Variants in ZC3H7B observed in about 807,000 individuals in gnomAD.
ZC3H7B encodes zinc finger CCCH domain-containing protein 7B.
ZC3H7B carries 35 observed loss-of-function variants against 116.0 expected under a neutral mutation model. The observed-to-expected ratio is 0.30, with a 90% confidence interval of 0.23 to 0.40. The LOEUF (loss-of-function observed/expected upper bound fraction) is 0.40. Ranked by LOEUF, ZC3H7B falls within the 10% of genes least tolerant of loss-of-function variation. The probability of loss-of-function intolerance (pLI) is 1.00; values close to 1 mark genes in which losing one functional copy is unlikely to be tolerated. For synonymous variants in ZC3H7B, 502 were observed against 545.6 expected (o/e 0.92, Z 1.11); for missense variants, 1,011 against 1,321.5 (o/e 0.77, Z 3.64).
chr22:41,356,757 C>T lies in ZC3H7B; in HGVS notation c.2630C>T (p.Ala877Val), dbSNP rs1448427386. The change falls in exon 22 of 23, where the codon GCC (alanine) becomes GTC (valine). Residue 877 changes from alanine to valine, a missense_variant. Ala to Val is a moderately conservative substitution (Grantham distance 64). Around this residue, in one of 5 missense-constraint regions of ZC3H7B, gnomAD observed 406 missense variants for 590.2 expected, o/e 0.69. Coordinates refer to ENST00000352645, the MANE Select transcript of ZC3H7B (RefSeq NM_017590.6). ...KEKVFTSDSD[A>V]SGWAFRFPMG... Reference sequence around the variant, plus strand: ...AAGGTCTTCACGTCCGACAGTGACGCCAGCGGCTGGGCCTTCCGCTTCCCC... The same window carrying T: ...AAGGTCTTCACGTCCGACAGTGACGTCAGCGGCTGGGCCTTCCGCTTCCCC... 4 of 1,613,548 alleles carry T rather than the reference C, an allele frequency of 2.5e-6. No homozygotes were observed. The South Asian group carries it at 4.4e-5, about 18-fold the overall frequency.
intron 9 of ZC3H7B, 105 bp downstream of exon 9, chr22:41,339,296 C>T: frequency 1.5e-6 from 2 of 1,365,762 alleles, no homozygotes; most frequent in Non-Finnish European, 2.0e-6. Flanking sequence ...TCATGTGTCT[C>T]AGGAGGAGGC....
rs768896328 is a variant in ZC3H7B at position 41,339,947 on chromosome 22, G to GC, written c.954dup (p.Ala319ArgfsTer58). 2 of 1,612,918 alleles carry GC rather than the reference G, an allele frequency of 1.2e-6. No homozygotes were observed. On this transcript the variant is annotated frameshift_variant, in exon 10 of 23. Transcript: ENST00000352645. LOFTEE classifies it high-confidence loss of function. Reference sequence around the variant, plus strand: ...GCTCCATCCCTGTCTCCAGCCCACTGCCCCCCGCCTCCTTCGGCTTGGTCA... The same window carrying GC: ...GCTCCATCCCTGTCTCCAGCCCACTGCCCCCCCGCCTCCTTCGGCTTGGTCA...
chr22:41,327,591 A>G lies in ZC3H7B; in HGVS notation c.444+227A>G, dbSNP rs1246046211. 1.3e-5 allele frequency among the ~76,000 whole-genome samples: 2 copies of G among 152,262 alleles called. No homozygotes were observed. The highest frequency in any genetic ancestry group is 4.8e-5 in the African/African-American group (2 of 41,476). ...TGTATTAACTCACCTAATACTGGCA[A>G]TAACCCTAAGAGGCAGATACTGTGA... On this transcript the variant is annotated intron_variant, in intron 5 of 22. Coordinates refer to ENST00000352645, the MANE Select transcript of ZC3H7B (RefSeq NM_017590.6). This position sits in a 1 kb window ranked among gnomAD's most constrained non-coding sequence, Gnocchi z 4.5.
chr22:41,331,329 T>A (rs1347758227), intron 6 of ZC3H7B, among the ~76,000 whole-genome samples: 1 of 147,510 alleles, frequency 6.8e-6, no homozygotes, highest in Admixed American at 6.8e-5. Context: ...GGTGGGAGGA[T>A]CACGAGGTCA....
chr22:41,340,008 G>T lies in ZC3H7B; in HGVS notation c.1009G>T (p.Asp337Tyr). 1 of 1,611,138 alleles carries T rather than the reference G, an allele frequency of 6.2e-7. No homozygotes were observed. The change falls in exon 10 of 23, where the codon GAT becomes TAT. Residue 337 changes from aspartate to tyrosine, a missense_variant. Asp to Tyr is a radical substitution (Grantham distance 160). Transcript: ENST00000352645. ...PSKKLAASVL[D>Y]ALDPPGPTLD... ...CAAGAAGCTGGCCGCCTCTGTGCTGGATGCCCTCGATCCCCCGGGCCCCAC... is the reference window on the plus strand; with the variant it reads ...CAAGAAGCTGGCCGCCTCTGTGCTGTATGCCCTCGATCCCCCGGGCCCCAC...
chr22:41,339,851 G>C lies in ZC3H7B; in HGVS notation c.852G>C (p.Val284=). 1 of 1,611,306 alleles carries C rather than the reference G, an allele frequency of 6.2e-7. No homozygotes were observed. The change falls in exon 10 of 23, where the codon GTG becomes GTC. Residue 284 remains valine, a synonymous_variant. Coordinates refer to ENST00000352645, the MANE Select transcript of ZC3H7B (RefSeq NM_017590.6). ...AGGGTGGCCTGTCTGGCAGCGGCGT[G>C]CCTAGTGAGTTGCCCCAGCTGATAC... ...LVQGGLSGSG[V]PSELPQLIPV... is the part of the protein sequence containing the mutation.
At chr22:41,343,708 C>T (rs1266535036) in intron 13 of ZC3H7B, 132 bp downstream of exon 13, 10 of 1,277,502 alleles carry the variant, frequency 7.8e-6, no homozygotes, top group Non-Finnish European at 1.0e-5. Context: ...GAGAAAGCCA[C>T]GGCCTAGGCT....
chr22:41,356,631 G>A lies in ZC3H7B; in HGVS notation c.2518-14G>A, dbSNP rs776492282. ...GTGTGGGGGAGCAGGCACCCATGAT[G>A]GCTGTGCTCCCAGATGGGCTACCAC... is the stretch of plus-strand genomic sequence containing the variant. On this transcript the variant is annotated splice_polypyrimidine_tract_variant and intron_variant, in intron 21 of 22. Transcript: ENST00000352645. 1 of 1,613,190 alleles carries A rather than the reference G, an allele frequency of 6.2e-7. No homozygotes were observed. Among genetic ancestry groups the A allele is most frequent in the Non-Finnish European group, 8.5e-7 (1 of 1,179,916 alleles).
chr22:41,344,522 C>T (rs964609392), intron 13 of ZC3H7B, among the ~76,000 whole-genome samples: 1 of 152,238 alleles, frequency 6.6e-6, no homozygotes, highest in African/African-American at 2.4e-5. Flanking sequence ...CCTAGTCACC[C>T]TCTGCTCCTC....
chr22:41,330,088 G>T lies in ZC3H7B; in HGVS notation c.510G>T (p.Ala170=), dbSNP rs749173065. ...AACTGGGGCTGCGAGTTCGCAAGGCGTATAAGAGGCCCCAGGTAGGTGGGT... is the reference window on the plus strand; with the variant it reads ...AACTGGGGCTGCGAGTTCGCAAGGCTTATAAGAGGCCCCAGGTAGGTGGGT... The part of the protein sequence containing the change: ...AQKLGLRVRK[A]YKRPQELETF... Residue 170 remains alanine (A), a synonymous_variant, in exon 6 of 23, where the codon GCG becomes GCT. Coordinates refer to ENST00000352645, the MANE Select transcript of ZC3H7B (RefSeq NM_017590.6). 1 of 1,613,910 alleles carries T rather than the reference G, an allele frequency of 6.2e-7. No individual in the cohort carries two copies. The highest frequency in any genetic ancestry group is 8.5e-7 in the Non-Finnish European group (1 of 1,179,986).
At chr22:41,352,497 A>G (rs1185778836) in intron 17 of ZC3H7B, among the ~76,000 whole-genome samples, 2 of 152,180 alleles carry the variant, frequency 1.3e-5, no homozygotes, top group Non-Finnish European at 2.9e-5. Context: ...GCAGTGGCTC[A>G]CCCCTGTAAT....
At chr22:41,319,134 G>A (rs930949988) in intron 1 of ZC3H7B, among the ~76,000 whole-genome samples, 7 of 152,280 alleles carry the variant, frequency 4.6e-5, no homozygotes, top group Admixed American at 2.0e-4. Flanking sequence ...GGGCACAGTG[G>A]CTCACGCCTG....
At chr22:41,348,246 A>G in intron 15 of ZC3H7B, 79 bp downstream of exon 15, 1 of 1,296,722 alleles carries the variant, frequency 7.7e-7, no homozygotes, top group South Asian at 1.2e-5. Context: ...GGCTGAGGAA[A>G]GGCTGAACTG....
intron 1 of ZC3H7B, among the ~76,000 whole-genome samples, chr22:41,308,522 A>C (rs1049634958): frequency 2.0e-5 from 3 of 152,178 alleles, no homozygotes; most frequent in Admixed American, 6.5e-5. Flanking sequence ...TAGCCTTCAG[A>C]ATATTCCTGA....
At chr22:41,330,859 T>TTTTG (rs2036372527) in intron 6 of ZC3H7B, among the ~76,000 whole-genome samples, 1 of 117,810 alleles carries the variant, frequency 8.5e-6, no homozygotes, top group African/African-American at 3.8e-5. Context: ...GGAGAATCAC[T>TTTTG]TTTTTTTTTT....
At chr22:41,324,061 C>T (rs946234798) in intron 2 of ZC3H7B, among the ~76,000 whole-genome samples, 2 of 151,336 alleles carry the variant, frequency 1.3e-5, no homozygotes, top group African/African-American at 4.9e-5. Flanking sequence ...CACAGCGAGA[C>T]TCTGTCTGGA....
intron 13 of ZC3H7B, among the ~76,000 whole-genome samples, chr22:41,343,946 G>A (rs1420973087): frequency 6.6e-6 from 1 of 152,168 alleles, no homozygotes; most frequent in Non-Finnish European, 1.5e-5. Flanking sequence ...GCCACATGAA[G>A]CATTTAGGAC....
At chr22:41,303,698 G>T (rs1439444540) in intron 1 of ZC3H7B, among the ~76,000 whole-genome samples, 31 of 152,124 alleles carry the variant, frequency 2.0e-4, no homozygotes, top group Admixed American at 2.0e-3. Flanking sequence ...GCTCCAAATC[G>T]TCACCCTTTC....
intron 9 of ZC3H7B, among the ~76,000 whole-genome samples, 187 bp from the exon 10 acceptor site, chr22:41,339,625 CAAAA>C (rs34780757): frequency 2.4e-5 from 3 of 126,062 alleles, no homozygotes; most frequent in Non-Finnish European, 5.2e-5. Flanking sequence ...GACTCCGTCT[CAAAA>C]AAAAAAAAAG....
Sources: gnomAD v4.1 joint callset for allele counts (sites outside exome capture counted in the v4.1 genomes callset) on GRCh38, gnomAD v4.1.1 for gene constraint, gnomAD v4.1.1 regional missense constraint, Gnocchi (gnomAD v3.1) non-coding constraint, MANE v1.5 for transcripts, NCBI Gene and HGNC (gene_info 2026-07-23, HGNC 2026-07-21) for gene names.